The following CACNA2D3 variants were observed in gnomAD, a reference collection of about 807,000 sequenced individuals.
The protein encoded by CACNA2D3 is calcium voltage-gated channel auxiliary subunit alpha2delta 3.
Under a neutral mutation model 160.6 loss-of-function variants are expected in CACNA2D3, and 60 were observed. The observed-to-expected ratio is 0.37, with a 90% CI of 0.30 to 0.46. CACNA2D3 has a LOEUF of 0.46. Among genes scored for constraint, CACNA2D3 ranks in the 20% least tolerant of loss-of-function variants. CACNA2D3 has a pLI of 1.00. For missense variants in CACNA2D3, 1,205 were observed against 1,365.0 expected, an observed-to-expected ratio of 0.88 and a Z score of 1.85; for synonymous variants, 558 against 492.9, an observed-to-expected ratio of 1.13 and a Z score of -1.75.
At chr3:54,715,756 G>C (rs1039761583) in intron 11 of CACNA2D3, among the ~76,000 whole-genome samples, 8 of 152,154 alleles carry the variant, frequency 5.3e-5, no homozygotes, top group Non-Finnish European at 7.3e-5. Context: ...ATATGTAATG[G>C]AATATTATTC....
intron 4 of CACNA2D3, among the ~76,000 whole-genome samples, chr3:54,499,623 T>A (rs1470446967): frequency 6.6e-6 from 1 of 152,148 alleles, no homozygotes; most frequent in African/African-American, 2.4e-5. Flanking sequence ...TTTTAATTTT[T>A]AAAAAAATTA....
At chr3:54,855,193 G>C (rs545980130) in intron 17 of CACNA2D3, among the ~76,000 whole-genome samples, 1 of 152,258 alleles carries the variant, frequency 6.6e-6, no homozygotes, top group East Asian at 1.9e-4. Context: ...GACACTCACA[G>C]GAAATGGAGA....
intron 3 of CACNA2D3, among the ~76,000 whole-genome samples, chr3:54,335,069 A>G (rs1162361555): frequency 4.6e-5 from 7 of 152,222 alleles, no homozygotes; most frequent in Admixed American, 3.9e-4. Flanking sequence ...TCTACTTCCT[A>G]AAGACTAGTT....
rs775003375 is a variant in CACNA2D3 at position 54,562,790 on chromosome 3, T to G, written c.545-10T>G. The G allele has an allele frequency of 6.2e-6, 10 of 1,608,994 alleles. No individual in the cohort carries two copies. The highest frequency in any genetic ancestry group is 8.5e-6 in the Non-Finnish European group (10 of 1,176,392). On this transcript the variant is annotated splice_polypyrimidine_tract_variant and intron_variant, in intron 5 of 37. Coordinates refer to ENST00000474759, the MANE Select transcript of CACNA2D3 (RefSeq NM_018398.3). The stretch of plus-strand genomic sequence containing the variant: ...TAATACACCCCTCTCTCTCTCTTTC[T>G]TTTTTACAGACCCTGCAATTGTCAA...
Position 54,303,822 on chromosome 3 carries a change from T to TTTG in CACNA2D3, c.205-16618_205-16617insGTT, listed in dbSNP as rs1310252633. Among the ~76,000 whole-genome samples, 42 of 105,512 alleles carry TTTG rather than the reference T, an allele frequency of 4.0e-4. 1 individual carries two copies. The highest frequency in any genetic ancestry group is 5.6e-4 in the African/African-American group (13 of 23,168). The allele number at this position is 105,512 out of a possible 152,430, so 69.2% of individuals were successfully genotyped here. A position where few individuals can be genotyped will look rare whatever the true frequency, so the allele number is the denominator to read the frequency against. ...CTCATCAGTGACTTTTTTTCTGTTT[T>TTTG]TTTTTTTTTTTTTTTTCTATTGCTT... On this transcript the variant is annotated intron_variant, in intron 2 of 37. Transcript: ENST00000474759.
intron 2 of CACNA2D3, among the ~76,000 whole-genome samples, chr3:54,137,597 A>G (rs1382832064): frequency 6.6e-6 from 1 of 152,218 alleles, no homozygotes; most frequent in Non-Finnish European, 1.5e-5. Context: ...ACCGTGGCTT[A>G]CAGTAAAGAA....
At chr3:54,790,265 C>G (rs1702726917) in intron 13 of CACNA2D3, among the ~76,000 whole-genome samples, 1 of 152,182 alleles carries the variant, frequency 6.6e-6, no homozygotes, top group Non-Finnish European at 1.5e-5. Flanking sequence ...GTCAGGGTAA[C>G]TGGTGCGGTG....
intron 2 of CACNA2D3, among the ~76,000 whole-genome samples, chr3:54,144,396 C>T (rs1345025344): frequency 1.3e-5 from 2 of 152,208 alleles, no homozygotes; most frequent in Non-Finnish European, 2.9e-5. Flanking sequence ...AGAGCATCCT[C>T]ATAAGGGGAT....
intron 11 of CACNA2D3, among the ~76,000 whole-genome samples, chr3:54,736,625 T>A (rs1701537162): frequency 1.3e-5 from 2 of 152,208 alleles, no homozygotes; most frequent in Admixed American, 6.5e-5. Context: ...ACTTTAAACC[T>A]TGTATTTGTA....
At chr3:55,027,470 A>G (rs947743482) in intron 35 of CACNA2D3, among the ~76,000 whole-genome samples, 4 of 152,190 alleles carry the variant, frequency 2.6e-5, no homozygotes, top group African/African-American at 9.7e-5. Flanking sequence ...TTGATGACCC[A>G]TAGATGTACA....
chr3:54,463,172 T>A lies in CACNA2D3; in HGVS notation c.382-40320T>A, dbSNP rs528885272. Among the ~76,000 whole-genome samples the A allele has an allele frequency of 4.0e-3, 615 of 152,272 alleles. 4 individuals carry two copies. Among genetic ancestry groups the A allele is most frequent in the Middle Eastern group, 6.8e-3 (2 of 294 alleles). ...TGTTAGTCTGATGGGCTTCCCTTTG[T>A]GGGTAACCCGACCTTTCTCTCTGGC... is the stretch of plus-strand genomic sequence containing the variant. On this transcript the variant is annotated intron_variant, in intron 4 of 37. Transcript: ENST00000474759.
intron 3 of CACNA2D3, among the ~76,000 whole-genome samples, chr3:54,332,822 A>C (rs967681251): frequency 6.6e-6 from 1 of 152,116 alleles, no homozygotes; most frequent in Non-Finnish European, 1.5e-5. Context: ...TTTGTGGGCT[A>C]TAAGTTATAT....
intron 2 of CACNA2D3, among the ~76,000 whole-genome samples, chr3:54,293,563 T>TTATA (rs35283142): frequency 1.4e-3 from 206 of 149,802 alleles, no homozygotes; most frequent in Middle Eastern, 6.9e-3. Flanking sequence ...TAATATTCTA[T>TTATA]TATATATATA....
chr3:55,062,726 T>C (rs920755307), intron 35 of CACNA2D3, among the ~76,000 whole-genome samples: 2 of 152,224 alleles, frequency 1.3e-5, no homozygotes, highest in Non-Finnish European at 2.9e-5. Context: ...TTATTTGTTT[T>C]GTTTATGGCT....
chr3:54,228,348 T>C (rs1021522151), intron 2 of CACNA2D3, among the ~76,000 whole-genome samples: 2 of 152,192 alleles, frequency 1.3e-5, no homozygotes, highest in Non-Finnish European at 2.9e-5. Flanking sequence ...GTTTTGATTG[T>C]ATGGCCTGTA....
intron 9 of CACNA2D3, among the ~76,000 whole-genome samples, chr3:54,601,700 A>G (rs569416089): frequency 2.2e-4 from 33 of 152,068 alleles, no homozygotes; most frequent in Non-Finnish European, 4.1e-4. Flanking sequence ...CACTAGTAAG[A>G]AACTCTAGCA....
At chr3:54,567,092 C>T (rs1702420470) in intron 6 of CACNA2D3, among the ~76,000 whole-genome samples, 1 of 152,166 alleles carries the variant, frequency 6.6e-6, no homozygotes, top group South Asian at 2.1e-4. Flanking sequence ...TTCATAGCAA[C>T]TGTCTTGCTA....
rs552608219 is a variant in CACNA2D3 at position 54,768,088 on chromosome 3, T to C, written c.1380+3737T>C. 4.6e-5 allele frequency among the ~76,000 whole-genome samples: 7 copies of C among 152,272 alleles called. No homozygotes were observed. In the South Asian group the frequency reaches 1.4e-3, roughly 32 times the overall value. ...AAGGTCTGTCAATGGATGCTAAATC[T>C]AGGGGGAAAGTTCGATGATGAGCAG... On this transcript the variant is annotated intron_variant, in intron 13 of 37. Transcript: ENST00000474759.
intron 3 of CACNA2D3, among the ~76,000 whole-genome samples, chr3:54,331,123 C>G (rs955038804): frequency 2.0e-5 from 3 of 152,082 alleles, no homozygotes; most frequent in African/African-American, 7.2e-5. Context: ...CCTCTGTCCC[C>G]CAGGCCAATC....
Sources: gnomAD v4.1 joint callset for allele counts (sites outside exome capture counted in the v4.1 genomes callset) on GRCh38, gnomAD v4.1.1 for gene constraint, MANE v1.5 for transcripts, NCBI Gene and HGNC (gene_info 2026-07-23, HGNC 2026-07-21) for gene names.